The following FGD3 variants were observed in gnomAD, a reference collection of about 807,000 sequenced individuals.
FGD3 encodes the protein FYVE, RhoGEF and PH domain-containing protein 3.
In FGD3, 45 loss-of-function variants were observed where a neutral mutation model predicts 71.8. The observed-to-expected ratio is 0.63, with a 90% CI of 0.49 to 0.80. FGD3 has a LOEUF of 0.80. FGD3 is among the 30% of genes least tolerant of loss of function. The pLI, the probability that FGD3 is intolerant of heterozygous loss-of-function variation, is 0.00. For synonymous variants in FGD3, 378 were observed against 392.8 expected (o/e 0.96, Z 0.44); for missense variants, 844 against 951.5 (o/e 0.89, Z 1.49).
chr9:92,978,158 T>C (rs1351497163), intron 3 of FGD3, among the ~76,000 whole-genome samples: 1 of 151,800 alleles, frequency 6.6e-6, no homozygotes, highest in Non-Finnish European at 1.5e-5. Flanking sequence ...GGCACATGCC[T>C]GTAATCCCAG....
Position 93,034,694 on chromosome 9 carries a change from A to C in FGD3, c.1926+13A>C, listed in dbSNP as rs1564174739. The C allele has an allele frequency of 1.9e-6, 3 of 1,608,880 alleles. No individual in the cohort carries two copies. Among genetic ancestry groups the C allele is most frequent in the Non-Finnish European group, 2.5e-6 (3 of 1,178,066 alleles). ...GGGAGGCAGCCAGGTACGTGTCCCC[A>C]CCCCACCAGGCCCTCAGGCCAGCAG... On this transcript the variant is annotated intron_variant, in intron 17 of 17. Coordinates refer to ENST00000375482, the MANE Select transcript of FGD3 (RefSeq NM_001083536.2).
rs1341602114 is a variant in FGD3, at chr9:93,020,360, C to A, written c.1430C>A (p.Thr477Asn). Residue 477 changes from threonine (T) to asparagine (N), a missense_variant, in exon 13 of 18, where the codon ACC becomes AAC. Transcript: ENST00000375482. ...TIEKHKQNSE[T>N]FKAFGGAFSQ... ...GAGAAGCACAAACAGAACAGCGAAA[C>A]CTTCAAGGCTTTTGGTGGCGCCTTC... 1 of 1,613,778 alleles carries A rather than the reference C, an allele frequency of 6.2e-7. No individual in the cohort carries two copies. Among genetic ancestry groups the A allele is most frequent in the Non-Finnish European group, 8.5e-7 (1 of 1,179,978 alleles).
rs1245877264 is a variant in FGD3 at position 93,006,190 on chromosome 9, G to A, written c.837+10G>A. ...CGTCCACAGCATCCAGGTAAGGCCG[G>A]CAGTGGGAGTGTGGACACAGATGTT... On this transcript the variant is annotated intron_variant, in intron 6 of 17. Transcript: ENST00000375482. The A allele has an allele frequency of 1.3e-6, 2 of 1,547,612 alleles. No homozygotes were observed. Among genetic ancestry groups the A allele is most frequent in the South Asian group, 2.4e-5 (2 of 82,338 alleles).
At chr9:92,982,136 C>G (rs1025107255) in intron 3 of FGD3, among the ~76,000 whole-genome samples, 3 of 152,230 alleles carry the variant, frequency 2.0e-5, no homozygotes, top group African/African-American at 7.2e-5. Context: ...CTATCCCTCT[C>G]TTCCTCCTAC....
chr9:93,032,216 G>A (rs530023165), intron 15 of FGD3, among the ~76,000 whole-genome samples: 4 of 152,170 alleles, frequency 2.6e-5, no homozygotes, highest in African/African-American at 7.2e-5. Flanking sequence ...TACATACCCC[G>A]AGTGGAACTG....
intron 3 of FGD3, among the ~76,000 whole-genome samples, chr9:92,981,750 C>T (rs7848528): frequency 0.6 from 90,489 of 152,000 alleles, 27,138 homozygotes; most frequent in South Asian, 0.67. Flanking sequence ...TTATAACTGT[C>T]ACATCTTTTT....
intron 3 of FGD3, among the ~76,000 whole-genome samples, chr9:92,994,855 C>T (rs1402460086): frequency 6.6e-6 from 1 of 152,152 alleles, no homozygotes; most frequent in Non-Finnish European, 1.5e-5. Flanking sequence ...GTACCAGTAC[C>T]ATGCTGTTTT....
intron 1 of FGD3, among the ~76,000 whole-genome samples, chr9:92,971,711 G>T (rs1859541521): frequency 6.6e-6 from 1 of 150,972 alleles, no homozygotes; most frequent in Non-Finnish European, 1.5e-5. Context: ...GAGTAGCTGG[G>T]ATTACAGGAG....
chr9:92,986,879 A>G (rs1860205974), intron 3 of FGD3, among the ~76,000 whole-genome samples: 1 of 152,252 alleles, frequency 6.6e-6, no homozygotes, highest in Non-Finnish European at 1.5e-5. Context: ...TGGTAGGGTA[A>G]AAACAAGTAT....
intron 3 of FGD3, among the ~76,000 whole-genome samples, chr9:93,000,045 T>G: frequency 1.2e-5 from 1 of 85,372 alleles, no homozygotes; most frequent in Non-Finnish European, 2.1e-5. Context: ...TCTTTGTGTT[T>G]AATTGATTTT....
At chr9:92,996,296 T>C (rs1301617565) in intron 3 of FGD3, among the ~76,000 whole-genome samples, 1 of 152,242 alleles carries the variant, frequency 6.6e-6, no homozygotes, top group Non-Finnish European at 1.5e-5. Context: ...CTGATGGTAG[T>C]TTGTATTTCT....
At chr9:93,015,913 G>A in intron 10 of FGD3, 84 bp downstream of exon 10, 2 of 1,241,672 alleles carry the variant, frequency 1.6e-6, no homozygotes, top group Non-Finnish European at 1.2e-6. Context: ...GGCCGCTGAG[G>A]CACTCACCTC....
intron 1 of FGD3, among the ~76,000 whole-genome samples, chr9:92,970,433 A>T (rs1230896220): frequency 6.6e-6 from 1 of 152,228 alleles, no homozygotes; most frequent in East Asian, 1.9e-4. Flanking sequence ...TGGAGAACAA[A>T]AGAGAGGCTC....
chr9:92,990,419 C>G (rs1232896693), intron 3 of FGD3, among the ~76,000 whole-genome samples: 2 of 152,224 alleles, frequency 1.3e-5, no homozygotes, highest in South Asian at 2.1e-4. Context: ...ATTTCTTTCT[C>G]TTGCCTAACT....
intron 3 of FGD3, among the ~76,000 whole-genome samples, chr9:92,987,451 AAAG>A: frequency 6.6e-6 from 1 of 151,536 alleles, no homozygotes; most frequent in African/African-American, 2.4e-5. Context: ...AAAAAGAAAG[AAAG>A]AAAAAAAAGA....
intron 1 of FGD3, among the ~76,000 whole-genome samples, chr9:92,954,610 C>T (rs896900161): frequency 6.6e-6 from 1 of 152,210 alleles, no homozygotes. Context: ...GCTCCTTCCT[C>T]AGGGGCCATC....
At chr9:93,014,994 G>A (rs1861612030) in intron 9 of FGD3, among the ~76,000 whole-genome samples, 1 of 119,012 alleles carries the variant, frequency 8.4e-6, no homozygotes, top group Admixed American at 1.3e-4. Flanking sequence ...ACCCCTTTGT[G>A]AGCAAGCGCT....
At chr9:93,030,492 T>C (rs1862312429) in intron 15 of FGD3, among the ~76,000 whole-genome samples, 1 of 152,224 alleles carries the variant, frequency 6.6e-6, no homozygotes, top group Admixed American at 6.5e-5. Flanking sequence ...CCCTTTCTCC[T>C]GAGAATGGAG....
At chr9:93,023,488 C>A (rs1188086281) in intron 14 of FGD3, among the ~76,000 whole-genome samples, 1 of 152,340 alleles carries the variant, frequency 6.6e-6, no homozygotes. Context: ...GCAGAGCAGA[C>A]AGGCACCCTG....
Sources: allele counts gnomAD v4.1 joint callset (sites outside exome capture counted in the v4.1 genomes callset), GRCh38; gene constraint gnomAD v4.1.1; transcripts MANE v1.5; gene names NCBI Gene and HGNC (gene_info 2026-07-23, HGNC 2026-07-21).